The following GALNTL6 variants were observed in gnomAD, a reference collection of about 807,000 sequenced individuals.
GALNTL6 encodes polypeptide N-acetylgalactosaminyltransferase like 6.
Under a neutral mutation model 73.7 loss-of-function variants are expected in GALNTL6, and 46 were observed. The observed-to-expected ratio is 0.62, with a 90% confidence interval of 0.49 to 0.80. The LOEUF is 0.80. Ranked by LOEUF, GALNTL6 falls within the 30% of genes least tolerant of loss-of-function variation. The pLI, the probability that GALNTL6 is intolerant of heterozygous loss-of-function variation, is 0.00. For synonymous variants in GALNTL6, 259 were observed against 263.7 expected, an observed-to-expected ratio of 0.98 and a Z score of 0.17; for missense variants, 604 against 755.0, an observed-to-expected ratio of 0.80 and a Z score of 2.34.
intron 5 of GALNTL6, among the ~76,000 whole-genome samples, chr4:172,522,984 C>T (rs904195297): frequency 1.3e-5 from 2 of 152,084 alleles, no homozygotes. Context: ...TGTCTTCCAT[C>T]GTAAGGTAAC....
chr4:172,362,283 C>T (rs953909426), intron 5 of GALNTL6, among the ~76,000 whole-genome samples: 5 of 152,080 alleles, frequency 3.3e-5, no homozygotes, highest in African/African-American at 1.2e-4. Flanking sequence ...GACTCAATTA[C>T]AGAACCCAAT....
intron 5 of GALNTL6, among the ~76,000 whole-genome samples, chr4:172,753,029 T>A (rs983183094): frequency 6.6e-6 from 1 of 152,182 alleles, no homozygotes; most frequent in Non-Finnish European, 1.5e-5. Context: ...CACATGTGAA[T>A]TGATATGGTT....
At position 171,870,957 on chromosome 4, in the gene GALNTL6, G is replaced by C. The variant is rs1736119069; in HGVS notation, c.138+56239G>C. 2.6e-5 allele frequency among the ~76,000 whole-genome samples: 4 copies of C among 152,200 alleles called. No homozygotes were observed. The South Asian group carries it at 8.3e-4, about 32-fold the overall frequency. ...TGTTGTTTAAGCCTCTCAAATTGTG[G>C]TAATCTGTTATAGAAGCTCTAATAA... is the stretch of plus-strand genomic sequence containing the variant. On this transcript the variant is annotated intron_variant, in intron 2 of 12. Coordinates refer to ENST00000506823, the MANE Select transcript of GALNTL6 (RefSeq NM_001034845.3).
intron 5 of GALNTL6, among the ~76,000 whole-genome samples, chr4:172,394,517 C>T (rs1166207905): frequency 4.6e-5 from 7 of 150,912 alleles, no homozygotes; most frequent in South Asian, 2.1e-4. Flanking sequence ...CTGCAACCTC[C>T]GCCTGCCAGG....
chr4:172,957,193 G>A (rs535927533), intron 10 of GALNTL6, among the ~76,000 whole-genome samples: 26 of 152,298 alleles, frequency 1.7e-4, no homozygotes, highest in South Asian at 8.3e-4. Flanking sequence ...AATAATCCCT[G>A]AGGAGTAGTA....
chr4:172,275,525 T>A (rs1322725581), intron 3 of GALNTL6, among the ~76,000 whole-genome samples: 1 of 152,192 alleles, frequency 6.6e-6, no homozygotes. Context: ...TTTTATGGAA[T>A]CCAATCAATT....
At chr4:172,136,396 T>C (rs1412690794) in intron 2 of GALNTL6, among the ~76,000 whole-genome samples, 2 of 152,062 alleles carry the variant, frequency 1.3e-5, no homozygotes, top group African/African-American at 4.8e-5. Flanking sequence ...TATAAAACTC[T>C]GTTCAATTTT....
chr4:172,870,052 GTCATCA>G lies in GALNTL6; in HGVS notation c.924-12701_924-12696del, dbSNP rs55936018. Among the ~76,000 whole-genome samples, 820 of 143,140 alleles carry G rather than the reference GTCATCA, an allele frequency of 5.7e-3. 7 individuals carry two copies. The highest frequency in any genetic ancestry group is 0.016 in the African/African-American group (611 of 37,960). The allele number at this position is 143,140 out of a possible 152,430, so 93.9% of individuals were successfully genotyped here. ...TACATGGGTCCAGGTGACCTTTACTGTCATCATCATCATCATCATCATCATCATCAT... is the reference window on the plus strand; with the variant it reads ...TACATGGGTCCAGGTGACCTTTACTGTCATCATCATCATCATCATCATCAT... On this transcript the variant is annotated intron_variant, in intron 7 of 12. Transcript: ENST00000506823.
intron 2 of GALNTL6, among the ~76,000 whole-genome samples, chr4:171,944,487 T>A (rs1354082495): frequency 6.6e-6 from 1 of 151,976 alleles, no homozygotes; most frequent in East Asian, 1.9e-4. Flanking sequence ...ACAATAAAAT[T>A]AGGGTTTTGG....
intron 5 of GALNTL6, among the ~76,000 whole-genome samples, chr4:172,523,603 G>A (rs1473300886): frequency 6.6e-6 from 1 of 152,036 alleles, no homozygotes; most frequent in Non-Finnish European, 1.5e-5. Context: ...GGACTCAAGT[G>A]ATCTGCCCGC....
At position 172,867,217 on chromosome 4, in the gene GALNTL6, C is replaced by T. The variant is rs1300954477; in HGVS notation, c.924-15573C>T. On this transcript the variant is annotated intron_variant, in intron 7 of 12. Coordinates refer to ENST00000506823, the MANE Select transcript of GALNTL6 (RefSeq NM_001034845.3). Reference sequence around the variant, plus strand: ...GGCAATAAGCATAAACCAGGACTGCCTAGGACAAAAAGGGTATAACATCCC... The same window carrying T: ...GGCAATAAGCATAAACCAGGACTGCTTAGGACAAAAAGGGTATAACATCCC... Among the ~76,000 whole-genome samples the T allele has an allele frequency of 2.0e-5, 3 of 152,036 alleles. No homozygotes were observed. The East Asian group carries it at 5.8e-4, about 29-fold the overall frequency.
At chr4:172,337,308 G>T (rs980194512) in intron 4 of GALNTL6, among the ~76,000 whole-genome samples, 1 of 152,012 alleles carries the variant, frequency 6.6e-6, no homozygotes, top group Non-Finnish European at 1.5e-5. Context: ...GATATGTGAG[G>T]TTTTAATTCT....
chr4:172,009,390 C>A (rs1386856300), intron 2 of GALNTL6, among the ~76,000 whole-genome samples: 2 of 152,058 alleles, frequency 1.3e-5, no homozygotes, highest in Non-Finnish European at 2.9e-5. Context: ...TCCTGGAATA[C>A]AATTTAGGTA....
At chr4:172,746,666 T>A (rs1348397859) in intron 5 of GALNTL6, among the ~76,000 whole-genome samples, 2 of 152,116 alleles carry the variant, frequency 1.3e-5, no homozygotes, top group East Asian at 3.9e-4. Context: ...GATTAAAAAA[T>A]TCAATAAATT....
At chr4:172,764,551 T>A (rs1235827653) in intron 5 of GALNTL6, among the ~76,000 whole-genome samples, 2 of 151,602 alleles carry the variant, frequency 1.3e-5, no homozygotes, top group African/African-American at 4.9e-5. Context: ...AATACATAGG[T>A]TACAAAGTAA....
chr4:171,969,989 T>C (rs972146849), intron 2 of GALNTL6, among the ~76,000 whole-genome samples: 1 of 152,172 alleles, frequency 6.6e-6, no homozygotes, highest in African/African-American at 2.4e-5. Flanking sequence ...CATGCTAGTC[T>C]TGAACTCCTG....
chr4:172,773,363 G>T (rs549245139), intron 5 of GALNTL6, among the ~76,000 whole-genome samples: 21 of 152,256 alleles, frequency 1.4e-4, no homozygotes, highest in Admixed American at 1.3e-3. Context: ...ACCACACCTA[G>T]CTTGCTCCAG....
chr4:172,877,535 A>C (rs1398751128), intron 7 of GALNTL6, among the ~76,000 whole-genome samples: 5 of 152,032 alleles, frequency 3.3e-5, no homozygotes, highest in Admixed American at 6.6e-5. Flanking sequence ...GTTTTAGTAC[A>C]CTTTACCTTA....
intron 2 of GALNTL6, among the ~76,000 whole-genome samples, chr4:172,060,003 T>C (rs1731147314): frequency 6.6e-6 from 1 of 152,194 alleles, no homozygotes; most frequent in Admixed American, 6.5e-5. Context: ...CCAGCTTCAC[T>C]TAACTAAAAT....
Sources: gnomAD v4.1 joint callset for allele counts (sites outside exome capture counted in the v4.1 genomes callset) on GRCh38, gnomAD v4.1.1 for gene constraint, MANE v1.5 for transcripts, NCBI Gene and HGNC (gene_info 2026-07-23, HGNC 2026-07-21) for gene names.